NCOA7: variants seen among roughly 807,000 people sequenced by gnomAD.
NCOA7 encodes 140 kDa estrogen receptor-associated protein.
In NCOA7, 45 loss-of-function variants were observed where a neutral mutation model predicts 104.3. The ratio of observed to expected loss-of-function variants is 0.43; its 90% CI spans 0.34 to 0.55. The LOEUF (loss-of-function observed/expected upper bound fraction) is 0.55, where lower values mean the gene tolerates loss of function less well. NCOA7 is among the 20% of genes least tolerant of loss of function. The probability of loss-of-function intolerance (pLI) is 0.02; values close to 1 mark genes in which losing one functional copy is unlikely to be tolerated. For missense variants in NCOA7, 1,041 were observed against 1,119.7 expected (o/e 0.93, Z 1.00); for synonymous variants, 398 against 402.3 (o/e 0.99, Z 0.13).
intron 13 of NCOA7, 57 bp downstream of exon 13, chr6:125,922,891 C>G: frequency 6.5e-7 from 1 of 1,531,944 alleles, no homozygotes; most frequent in Non-Finnish European, 8.9e-7. Context: ...AAATTCCCAA[C>G]AGTAGAGAGA....
chr6:125,924,963 TTTC>T (rs1787903713), intron 13 of NCOA7, among the ~76,000 whole-genome samples: 1 of 152,102 alleles, frequency 6.6e-6, no homozygotes, highest in East Asian at 1.9e-4. Context: ...GGTAGGGGGC[TTTC>T]TTCTTCTACC....
intron 10 of NCOA7, among the ~76,000 whole-genome samples, chr6:125,904,626 T>C (rs1785802984): frequency 1.3e-5 from 2 of 152,154 alleles, no homozygotes; most frequent in South Asian, 2.1e-4. Context: ...ACCCCAGCCT[T>C]AGACACTTCA....
Position 125,882,788 on chromosome 6 carries a change from T to C in NCOA7, c.699+237T>C, listed in dbSNP as rs1463658484. On this transcript the variant is annotated intron_variant, in intron 7 of 15. Transcript: ENST00000392477. Reference sequence around the variant, plus strand: ...GATCTTGGATTTATTGTTTTTTTCTTTTAGTTTGGGCCTATGAATTGTTAG... The same window carrying C: ...GATCTTGGATTTATTGTTTTTTTCTCTTAGTTTGGGCCTATGAATTGTTAG... Among the ~76,000 whole-genome samples the C allele has an allele frequency of 2.6e-5, 4 of 152,178 alleles. No homozygotes were observed. In the East Asian group the frequency reaches 7.7e-4, roughly 29 times the overall value.
chr6:125,820,958 T>C lies in NCOA7; in HGVS notation c.50+5554T>C, dbSNP rs115220687. On this transcript the variant is annotated intron_variant, in intron 2 of 15. Coordinates refer to ENST00000392477, the MANE Select transcript of NCOA7 (RefSeq NM_181782.5). ...ACCCTAAGCCCATGAGGTGAAAGGG[T>C]CCATGATAGGCTGGCTCTATCCCAG... 4.3e-3 allele frequency among the ~76,000 whole-genome samples: 656 copies of C among 152,216 alleles called. 7 individuals carry two copies. Among genetic ancestry groups the C allele is most frequent in the African/African-American group, 0.015 (637 of 41,504 alleles).
At chr6:125,808,336 T>C (rs1309011473) in intron 1 of NCOA7, among the ~76,000 whole-genome samples, 2 of 152,252 alleles carry the variant, frequency 1.3e-5, no homozygotes, top group Admixed American at 6.5e-5. Context: ...TGCTCAGTGC[T>C]CTGTGCTGTG....
intron 1 of NCOA7, among the ~76,000 whole-genome samples, chr6:125,810,939 T>TC (rs1450347114): frequency 6.6e-6 from 1 of 152,236 alleles, no homozygotes; most frequent in African/African-American, 2.4e-5. Context: ...TTAATCTTTT[T>TC]CTCTTGTGCA....
chr6:125,925,866 AGTTGTTTT>A (rs1787978775), intron 13 of NCOA7, among the ~76,000 whole-genome samples: 1 of 152,216 alleles, frequency 6.6e-6, no homozygotes, highest in Non-Finnish European at 1.5e-5. Flanking sequence ...ATTATATAAA[AGTTGTTTT>A]ATACAATTTT....
intron 2 of NCOA7, among the ~76,000 whole-genome samples, chr6:125,849,211 G>C (rs953544857): frequency 1.3e-5 from 2 of 152,132 alleles, no homozygotes; most frequent in Non-Finnish European, 2.9e-5. Flanking sequence ...TTTAGCAGGA[G>C]CCCCTTGCTC....
chr6:125,900,066 A>G (rs747226294), intron 10 of NCOA7: 1 of 532,358 alleles, frequency 1.9e-6, no homozygotes, highest in South Asian at 1.4e-5. Context: ...AAATGCCTGC[A>G]GGGGCTGTGG....
chr6:125,868,873 G>C (rs1406539081), intron 3 of NCOA7, among the ~76,000 whole-genome samples: 1 of 152,192 alleles, frequency 6.6e-6, no homozygotes, highest in Admixed American at 6.5e-5. Flanking sequence ...ACCCCCTTCA[G>C]ATGCTCTTAT....
chr6:125,919,361 G>A, intron 11 of NCOA7: 2 of 1,612,840 alleles, frequency 1.2e-6, no homozygotes, highest in South Asian at 1.1e-5. Flanking sequence ...CTCACAATGA[G>A]AGGCCAAAGA....
At chr6:125,886,140 G>A (rs1784237699) in intron 8 of NCOA7, among the ~76,000 whole-genome samples, 1 of 143,748 alleles carries the variant, frequency 7.0e-6, no homozygotes, top group Admixed American at 6.9e-5. Context: ...AGTAAAGAGG[G>A]AAACTAGCCC....
At chr6:125,918,334 A>G (rs963988727) in intron 11 of NCOA7, among the ~76,000 whole-genome samples, 4 of 152,180 alleles carry the variant, frequency 2.6e-5, no homozygotes, top group Non-Finnish European at 5.9e-5. Context: ...CTGGAGTCCC[A>G]GGGGCCCAGA....
chr6:125,889,497 G>A lies in NCOA7; in HGVS notation c.1443G>A (p.Ala481=), dbSNP rs375161871. 70 of 1,614,090 alleles carry A rather than the reference G, an allele frequency of 4.3e-5. 1 individual carries two copies. The South Asian group carries it at 4.4e-4, about 10-fold the overall frequency. ...GTENDVELKG[A]LDLETCEKQD... Reference sequence around the variant, plus strand: ...AGAATGATGTTGAACTGAAGGGGGCGCTAGATTTAGAAACCTGTGAGAAGC... The same window carrying A: ...AGAATGATGTTGAACTGAAGGGGGCACTAGATTTAGAAACCTGTGAGAAGC... Residue 481 remains alanine (A), a synonymous_variant, in exon 9 of 16, where the codon GCG becomes GCA. Transcript: ENST00000392477.
At chr6:125,804,944 C>T (rs774937253) in intron 1 of NCOA7, among the ~76,000 whole-genome samples, 4 of 152,064 alleles carry the variant, frequency 2.6e-5, no homozygotes, top group Non-Finnish European at 5.9e-5. Flanking sequence ...TAAAAACCTA[C>T]TCAGTGCAAT....
At chr6:125,892,901 G>A (rs1784732395) in intron 10 of NCOA7, among the ~76,000 whole-genome samples, 1 of 151,784 alleles carries the variant, frequency 6.6e-6, no homozygotes, top group African/African-American at 2.4e-5. Flanking sequence ...GAATTTTTTT[G>A]TGGTAATTAC....
chr6:125,865,127 C>T (rs537072671), intron 3 of NCOA7, among the ~76,000 whole-genome samples: 3 of 138,118 alleles, frequency 2.2e-5, no homozygotes, highest in East Asian at 2.1e-4. Context: ...ATTTTACAAA[C>T]GTAAAAACTG....
At chr6:125,881,279 T>C in intron 6 of NCOA7, 76 bp downstream of exon 6, 2 of 1,052,682 alleles carry the variant, frequency 1.9e-6, no homozygotes, top group Non-Finnish European at 2.9e-6. Flanking sequence ...CATGTTATTT[T>C]TCACAAGATT....
chr6:125,862,262 G>A lies in NCOA7; in HGVS notation c.271+7022G>A, dbSNP rs1782126157. On this transcript the variant is annotated intron_variant, in intron 3 of 15. Transcript: ENST00000392477. The stretch of plus-strand genomic sequence containing the variant: ...TACCTTAGTTAGGCAGAATTATGGG[G>A]AATACTCAGTCCTCCGAATAACTGT... 1.5e-5 allele frequency among the ~76,000 whole-genome samples: 2 copies of A among 136,548 alleles called. 1 individual carries two copies. The highest frequency in any genetic ancestry group is 1.4e-4 in the Admixed American group (2 of 14,466). The allele number at this position is 136,548 out of a possible 152,430, so 89.6% of individuals were successfully genotyped here. A position where few individuals can be genotyped will look rare whatever the true frequency, so the allele number is the denominator to read the frequency against.
Sources: gnomAD v4.1 joint callset for allele counts (sites outside exome capture counted in the v4.1 genomes callset) on GRCh38, gnomAD v4.1.1 for gene constraint, MANE v1.5 for transcripts, NCBI Gene and HGNC (gene_info 2026-07-23, HGNC 2026-07-21) for gene names.